HOGA1: variants seen among roughly 807,000 people sequenced by gnomAD.
The protein encoded by HOGA1 is 4-hydroxy-2-oxoglutarate aldolase, mitochondrial.
In HOGA1, 30 loss-of-function variants were observed where a neutral mutation model predicts 34.3. That is an observed-to-expected ratio of 0.87 (90% CI 0.65 to 1.19). HOGA1 has a LOEUF of 1.19. Ranked by LOEUF, HOGA1 falls within the 50% of genes most tolerant of loss-of-function variation. HOGA1 has a pLI of 0.00. For synonymous variants in HOGA1, 161 were observed against 174.0 expected, an observed-to-expected ratio of 0.93 and a Z score of 0.59; for missense variants, 417 against 436.5, an observed-to-expected ratio of 0.96 and a Z score of 0.40.
intron 1 of HOGA1, among the ~76,000 whole-genome samples, chr10:97,596,313 G>C (rs1339795483): frequency 6.6e-6 from 1 of 152,220 alleles, no homozygotes; most frequent in Non-Finnish European, 1.5e-5. Context: ...CACCTGTAGG[G>C]CCCCTGGAAC....
At position 97,590,506 on chromosome 10, in the gene HOGA1, T is replaced by A. The variant is rs527640057; in HGVS notation, c.211+5592T>A. The A allele has an allele frequency of 2.9e-4, 469 of 1,612,356 alleles. 3 individuals carry two copies. In the South Asian group the frequency reaches 4.9e-3, roughly 17 times the overall value. On this transcript the variant is annotated intron_variant, in intron 1 of 6. Coordinates refer to ENST00000370646, the MANE Select transcript of HOGA1 (RefSeq NM_138413.4). ...ACACACACACCTTCTATGGCCACAGTCACCACAGTCACCATGGCCACCCAA... is the reference window on the plus strand; with the variant it reads ...ACACACACACCTTCTATGGCCACAGACACCACAGTCACCATGGCCACCCAA...
intron 1 of HOGA1, among the ~76,000 whole-genome samples, chr10:97,592,227 G>GA (rs757807252): frequency 3.0e-4 from 44 of 148,406 alleles, no homozygotes; most frequent in Admixed American, 1.0e-3. Context: ...AGGATGTATA[G>GA]AAAATCCCTG....
At chr10:97,587,021 A>G (rs2040976408) in intron 1 of HOGA1, among the ~76,000 whole-genome samples, 1 of 152,232 alleles carries the variant, frequency 6.6e-6, no homozygotes. Flanking sequence ...ATTTTAGAAT[A>G]GGAACTGAGC....
chr10:97,599,372 C>A, intron 3 of HOGA1, 156 bp downstream of exon 3: 2 of 868,190 alleles, frequency 2.3e-6, no homozygotes, highest in Non-Finnish European at 3.7e-6. Context: ...GCTTACCTGA[C>A]CACTCTGTGT....
chr10:97,588,369 T>TTG (rs869251889), intron 1 of HOGA1, among the ~76,000 whole-genome samples: 35 of 142,456 alleles, frequency 2.5e-4, no homozygotes, highest in East Asian at 1.8e-3. Context: ...GGCTAATTTT[T>TTG]TGTGTGTGTG....
At chr10:97,586,051 C>T (rs1448609905) in intron 1 of HOGA1, among the ~76,000 whole-genome samples, 2 of 151,474 alleles carry the variant, frequency 1.3e-5, no homozygotes, top group African/African-American at 2.4e-5. Flanking sequence ...GCAGGAGAAT[C>T]GCTTGAACCC....
At position 97,597,109 on chromosome 10, in the gene HOGA1, T is replaced by A. The variant is rs536372230; in HGVS notation, c.212-1666T>A. 1.6e-4 allele frequency among the ~76,000 whole-genome samples: 23 copies of A among 146,820 alleles called. No homozygotes were observed. In the South Asian group the frequency reaches 4.9e-3, roughly 31 times the overall value. ...TTCCTTCTCCCAAATAGCCTCCAATTTTTTTTTTTTTTTTGAGACAGGGTC... is the reference window on the plus strand; with the variant it reads ...TTCCTTCTCCCAAATAGCCTCCAATATTTTTTTTTTTTTTGAGACAGGGTC... On this transcript the variant is annotated intron_variant, in intron 1 of 6. Coordinates refer to ENST00000370646, the MANE Select transcript of HOGA1 (RefSeq NM_138413.4).
chr10:97,609,293 A>G (rs2041179539), intron 6 of HOGA1, among the ~76,000 whole-genome samples: 1 of 151,940 alleles, frequency 6.6e-6, no homozygotes, highest in African/African-American at 2.4e-5. Flanking sequence ...CTGGTCTAAT[A>G]TTAGCAGTGT....
intron 6 of HOGA1, among the ~76,000 whole-genome samples, chr10:97,604,990 A>G (rs1391021280): frequency 6.6e-6 from 1 of 151,990 alleles, no homozygotes; most frequent in East Asian, 1.9e-4. Flanking sequence ...CAATAAATAA[A>G]TAAATAAAAG....
chr10:97,593,888 G>A (rs1009458606), intron 1 of HOGA1, among the ~76,000 whole-genome samples: 1 of 151,734 alleles, frequency 6.6e-6, no homozygotes, highest in African/African-American at 2.4e-5. Context: ...TTTTTTTTGA[G>A]ACCGAGTTTC....
At chr10:97,594,168 CTTTTTTTTTTT>C (rs71007354) in intron 1 of HOGA1, among the ~76,000 whole-genome samples, 9 of 43,466 alleles carry the variant, frequency 2.1e-4, no homozygotes, top group African/African-American at 9.3e-4. Flanking sequence ...TGCGCCTGGT[CTTTTTTTTTTT>C]TTTTTTTTTT....
intron 6 of HOGA1, among the ~76,000 whole-genome samples, chr10:97,606,456 T>G (rs1246141084): frequency 4.6e-5 from 7 of 151,988 alleles, no homozygotes; most frequent in Admixed American, 2.0e-4. Context: ...AGGTTTTGTG[T>G]TTTTTTTCCC....
At chr10:97,599,018 C>A in intron 2 of HOGA1, 71 bp from the exon 3 acceptor site, 1 of 1,607,910 alleles carries the variant, frequency 6.2e-7, no homozygotes, top group Non-Finnish European at 8.5e-7. Flanking sequence ...TGCTGAGGCA[C>A]CTTCGCTTGG....
At chr10:97,606,317 C>A (rs1469343263) in intron 6 of HOGA1, among the ~76,000 whole-genome samples, 3 of 151,080 alleles carry the variant, frequency 2.0e-5, no homozygotes, top group African/African-American at 7.3e-5. Context: ...AAAAAAAAAT[C>A]TTGAAGAGTT....
intron 1 of HOGA1, 149 bp downstream of exon 1, chr10:97,585,063 ACTGGTCTGGAGT>A (rs1353916654): frequency 4.4e-6 from 3 of 687,930 alleles, no homozygotes; most frequent in Non-Finnish European, 7.6e-6. Context: ...AACAGGGGAG[ACTGGTCTGGAGT>A]CAGGAGACAG....
At chr10:97,599,034 T>TG in intron 2 of HOGA1, 55 bp from the exon 3 acceptor site, 1 of 1,608,896 alleles carries the variant, frequency 6.2e-7, no homozygotes, top group Non-Finnish European at 8.5e-7. Context: ...CTTGGCCCAG[T>TG]GTCCTGGTCC....
At chr10:97,610,277 G>A (rs1353694348) in intron 6 of HOGA1, among the ~76,000 whole-genome samples, 2 of 152,072 alleles carry the variant, frequency 1.3e-5, no homozygotes, top group Non-Finnish European at 2.9e-5. Flanking sequence ...TGACTAGCCT[G>A]AGCAACATAG....
chr10:97,597,285 C>G (rs1229110404), intron 1 of HOGA1, among the ~76,000 whole-genome samples: 1 of 151,938 alleles, frequency 6.6e-6, no homozygotes, highest in African/African-American at 2.4e-5. Context: ...CTCAAGTGAT[C>G]CCCCCATCTT....
At chr10:97,609,480 C>T (rs2041180654) in intron 6 of HOGA1, among the ~76,000 whole-genome samples, 1 of 152,190 alleles carries the variant, frequency 6.6e-6, no homozygotes, top group Non-Finnish European at 1.5e-5. Context: ...TGTGTCCTCT[C>T]CTGTGCCAGC....
Sources: allele counts gnomAD v4.1 joint callset (sites outside exome capture counted in the v4.1 genomes callset), GRCh38; gene constraint gnomAD v4.1.1; transcripts MANE v1.5; gene names NCBI Gene and HGNC (gene_info 2026-07-23, HGNC 2026-07-21).